ZBBX: variants seen among roughly 807,000 people sequenced by gnomAD.
ZBBX encodes zinc finger B-box domain containing.
In ZBBX, 101 loss-of-function variants were observed where a neutral mutation model predicts 108.5. The ratio of observed to expected loss-of-function variants is 0.93; its 90% CI spans 0.79 to 1.10. ZBBX has a LOEUF of 1.10. ZBBX is among the 50% of genes least tolerant of loss of function. The pLI, the probability that ZBBX is intolerant of heterozygous loss-of-function variation, is 0.00. For synonymous variants in ZBBX, 356 were observed against 323.4 expected (o/e 1.10, Z -1.08); for missense variants, 1,009 against 941.4 (o/e 1.07, Z -0.94).
intron 9 of ZBBX, among the ~76,000 whole-genome samples, chr3:167,345,997 T>C (rs895533950): frequency 2.6e-5 from 4 of 151,952 alleles, no homozygotes; most frequent in African/African-American, 9.7e-5. Flanking sequence ...CCCTTGTGCA[T>C]GTCATACTTC....
chr3:167,236,573 AGTAGT>A (rs1296669054), downstream of ZBBX, among the ~76,000 whole-genome samples: 2 of 151,808 alleles, frequency 1.3e-5, no homozygotes, highest in East Asian at 1.9e-4. Context: ...CCAGTTAGTA[AGTAGT>A]GTAATCTGAT....
the ZBBX span, among the ~76,000 whole-genome samples, chr3:167,228,416 C>T: frequency 7.2e-5 from 11 of 151,856 alleles, no homozygotes; most frequent in Non-Finnish European, 1.3e-4. Context: ...ATAGCAGTCT[C>T]AAGAAAGACT....
the ZBBX span, among the ~76,000 whole-genome samples, chr3:167,219,319 T>C: frequency 3.9e-5 from 6 of 152,146 alleles, no homozygotes; most frequent in South Asian, 1.2e-3. Context: ...AAAGGTTACA[T>C]ACAGAATACA....
intron 1 of ZBBX, among the ~76,000 whole-genome samples, chr3:167,397,662 C>T (rs886197127): frequency 2.0e-5 from 3 of 151,574 alleles, no homozygotes; most frequent in African/African-American, 7.3e-5. Context: ...CAGGAGAGAG[C>T]CTTTTATGCT....
At chr3:167,209,081 T>G in the ZBBX span, among the ~76,000 whole-genome samples, 1 of 151,954 alleles carries the variant, frequency 6.6e-6, no homozygotes, top group Non-Finnish European at 1.5e-5. Context: ...ATCCTCTGCT[T>G]GTAGAAAGAG....
chr3:167,277,276 TCCAATTAAAAGACA>T (rs200499289), intron 20 of ZBBX, among the ~76,000 whole-genome samples: 2,617 of 151,808 alleles, frequency 0.017, 73 homozygotes, highest in African/African-American at 0.06. Context: ...GACTAAATGC[TCCAATTAAAAGACA>T]CACACAGACT....
At chr3:167,340,146 T>C (rs899366784) in intron 9 of ZBBX, among the ~76,000 whole-genome samples, 1 of 152,134 alleles carries the variant, frequency 6.6e-6, no homozygotes, top group Non-Finnish European at 1.5e-5. Flanking sequence ...ACACATTACA[T>C]GGAATACATT....
chr3:167,325,236 G>A (rs981573591), intron 11 of ZBBX, among the ~76,000 whole-genome samples: 1 of 152,040 alleles, frequency 6.6e-6, no homozygotes, highest in African/African-American at 2.4e-5. Context: ...AGACATACCC[G>A]AGACTGGGTC....
At chr3:167,192,693 C>G in the ZBBX span, among the ~76,000 whole-genome samples, 1 of 152,022 alleles carries the variant, frequency 6.6e-6, no homozygotes, top group East Asian at 1.9e-4. Flanking sequence ...TATGCATTTT[C>G]AAATAGCCTG....
chr3:167,395,168 T>G (rs1181894554), intron 1 of ZBBX, among the ~76,000 whole-genome samples: 1 of 152,014 alleles, frequency 6.6e-6, no homozygotes, highest in Non-Finnish European at 1.5e-5. Context: ...AGGCCAAGAT[T>G]GAAATGGAAA....
At chr3:167,215,734 A>G in the ZBBX span, among the ~76,000 whole-genome samples, 1 of 152,158 alleles carries the variant, frequency 6.6e-6, no homozygotes, top group Admixed American at 6.6e-5. Context: ...TCCTCAACAA[A>G]ATACCTGCAA....
chr3:167,375,197 G>T (rs1030693139), intron 2 of ZBBX, among the ~76,000 whole-genome samples: 2 of 152,158 alleles, frequency 1.3e-5, no homozygotes, highest in Non-Finnish European at 2.9e-5. Flanking sequence ...CCAAATAAGT[G>T]GTTCTTCATC....
At chr3:167,352,825 T>C (rs1028316937) in intron 8 of ZBBX, among the ~76,000 whole-genome samples, 6 of 151,352 alleles carry the variant, frequency 4.0e-5, no homozygotes, top group African/African-American at 1.5e-4. Flanking sequence ...TTTCAACATA[T>C]GCAAACCAAT....
chr3:167,251,375 G>A (rs991276283), intron 20 of ZBBX, among the ~76,000 whole-genome samples: 4 of 152,104 alleles, frequency 2.6e-5, no homozygotes, highest in African/African-American at 4.8e-5. Flanking sequence ...AAACTAAAAC[G>A]GCATCCTGTA....
the ZBBX span, among the ~76,000 whole-genome samples, chr3:167,185,306 C>A: frequency 6.6e-6 from 1 of 152,048 alleles, no homozygotes; most frequent in African/African-American, 2.4e-5. Flanking sequence ...TATATAACAT[C>A]CTTTCGGAAG....
chr3:167,359,792 G>T, intron 8 of ZBBX, 78 bp downstream of exon 8: 1 of 599,132 alleles, frequency 1.7e-6, no homozygotes, highest in Non-Finnish European at 2.6e-6. Context: ...GGTGTATGAG[G>T]CCATGTGAAA....
the ZBBX span, among the ~76,000 whole-genome samples, chr3:167,208,812 T>C: frequency 2.0e-5 from 3 of 152,148 alleles, no homozygotes; most frequent in Non-Finnish European, 4.4e-5. Context: ...CTTTGTCTTG[T>C]AGCTTAGGCA....
intron 1 of ZBBX, among the ~76,000 whole-genome samples, chr3:167,406,051 C>T (rs888115410): frequency 7.2e-5 from 11 of 152,118 alleles, no homozygotes; most frequent in Admixed American, 6.5e-4. Context: ...GTTGCAAGGG[C>T]AAGACTCAGT....
intron 4 of ZBBX, among the ~76,000 whole-genome samples, chr3:167,371,230 A>G (rs1457248047): frequency 2.0e-5 from 3 of 152,104 alleles, no homozygotes; most frequent in African/African-American, 4.8e-5. Context: ...TATCATCTAG[A>G]CCCTGCCTTT....
Sources: gnomAD v4.1 joint callset for allele counts (sites outside exome capture counted in the v4.1 genomes callset) on GRCh38, gnomAD v4.1.1 for gene constraint, MANE v1.5 for transcripts, NCBI Gene and HGNC (gene_info 2026-07-23, HGNC 2026-07-21) for gene names.